ADGRD1: variants seen among roughly 807,000 people sequenced by gnomAD.
The protein encoded by ADGRD1 is G-protein coupled receptor 133.
In ADGRD1, 77 loss-of-function variants were observed where a neutral mutation model predicts 113.4. That is an observed-to-expected ratio of 0.68 (90% confidence interval 0.57 to 0.82). The LOEUF is 0.82. ADGRD1 is among the 40% of genes least tolerant of loss of function. The probability of loss-of-function intolerance (pLI) is 0.00; values close to 1 mark genes in which losing one functional copy is unlikely to be tolerated. For synonymous variants in ADGRD1, 474 were observed against 475.0 expected, an observed-to-expected ratio of 1.00 and a Z score of 0.03; for missense variants, 1,036 against 1,139.1, an observed-to-expected ratio of 0.91 and a Z score of 1.30.
At chr12:131,045,564 C>T (rs1284238634) in intron 13 of ADGRD1, among the ~76,000 whole-genome samples, 1 of 151,836 alleles carries the variant, frequency 6.6e-6, no homozygotes, top group Non-Finnish European at 1.5e-5. Context: ...CAGCCTCGCT[C>T]AGCACACGGC....
At chr12:131,093,638 G>A (rs565488504) in intron 15 of ADGRD1, among the ~76,000 whole-genome samples, 11 of 152,290 alleles carry the variant, frequency 7.2e-5, no homozygotes, top group South Asian at 6.2e-4. Context: ...CTGCAGTGCC[G>A]GCAGCCGCAG....
At chr12:131,024,201 A>G (rs1879676988) in intron 13 of ADGRD1, 1 of 152,358 alleles carries the variant, frequency 6.6e-6, no homozygotes, top group Non-Finnish European at 1.5e-5. Context: ...GTTGTGCAGG[A>G]AGCAGGTGCA....
intron 13 of ADGRD1, among the ~76,000 whole-genome samples, chr12:131,044,228 C>T (rs960749177): frequency 6.6e-6 from 1 of 152,290 alleles, no homozygotes. Context: ...ATTTAATGAT[C>T]GCTGAGTCTT....
intron 4 of ADGRD1, among the ~76,000 whole-genome samples, chr12:130,972,649 A>G (rs1569017): frequency 0.79 from 120,205 of 151,836 alleles, 51,622 homozygotes; most frequent in Non-Finnish European, 0.95. Context: ...GCTCGGCGTG[A>G]GCTCGGTGGC....
At chr12:131,095,614 C>T (rs548372928) in intron 15 of ADGRD1, among the ~76,000 whole-genome samples, 5 of 152,290 alleles carry the variant, frequency 3.3e-5, no homozygotes, top group East Asian at 1.9e-4. Flanking sequence ...CCAGACTGGA[C>T]GTTCCCAGGG....
chr12:131,137,945 C>T (rs1267149710), intron 23 of ADGRD1, 192 bp from the exon 24 acceptor site: 2 of 586,204 alleles, frequency 3.4e-6, no homozygotes, highest in Non-Finnish European at 6.2e-6. Flanking sequence ...CCCTGGCCTG[C>T]GATACAACCT....
chr12:130,970,000 A>G (rs1871426644), intron 3 of ADGRD1: 1 of 152,244 alleles, frequency 6.6e-6, no homozygotes, highest in Non-Finnish European at 1.5e-5. Flanking sequence ...TACCTCATCA[A>G]ACATTTGATT....
At chr12:131,045,521 G>A (rs879836732) in intron 13 of ADGRD1, among the ~76,000 whole-genome samples, 54 of 124,926 alleles carry the variant, frequency 4.3e-4, no homozygotes, top group Admixed American at 1.1e-3. Context: ...CCCCACCCCC[G>A]CCTCCCTGCC....
At chr12:131,029,308 G>A (rs963109911) in intron 13 of ADGRD1, among the ~76,000 whole-genome samples, 1 of 152,176 alleles carries the variant, frequency 6.6e-6, no homozygotes, top group African/African-American at 2.4e-5. Flanking sequence ...CCTGACCCCA[G>A]CCTCTGTGCC....
At chr12:131,000,513 GGGT>G (rs2136713851) in intron 9 of ADGRD1, 71 bp downstream of exon 9, 1 of 1,213,758 alleles carries the variant, frequency 8.2e-7, no homozygotes, top group African/African-American at 1.5e-5. Flanking sequence ...AGGCCAAGGC[GGGT>G]GGATCACTTG....
intron 13 of ADGRD1, among the ~76,000 whole-genome samples, chr12:131,039,904 C>G (rs553969470): frequency 6.6e-6 from 1 of 152,236 alleles, no homozygotes; most frequent in African/African-American, 2.4e-5. Flanking sequence ...AAGGTGCTGC[C>G]GGCCAGCTGT....
chr12:131,104,910 C>T lies in ADGRD1; in HGVS notation c.1751C>T (p.Thr584Met), dbSNP rs907145349. 8.4e-6 allele frequency: 13 copies of T among 1,550,554 alleles called. No individual in the cohort carries two copies. Among genetic ancestry groups the T allele is most frequent in the Non-Finnish European group, 1.0e-5 (12 of 1,146,588 alleles). The part of the protein sequence containing the change: ...CSLSVLCLVA[T>M]LVTFAVLSSV... ...CTCTCCGTGCTCTGCCTGGTGGCCA[C>T]GCTGGTCACCTTCGCCGTGCTGTCG... is the stretch of plus-strand genomic sequence containing the variant. Residue 584 changes from threonine (T) to methionine (M), a missense_variant, in exon 16 of 25, where the codon ACG becomes ATG. Transcript: ENST00000261654.
In ADGRD1 at chr12:131,003,381, C is replaced by A; in HGVS notation, c.1144+79C>A. On this transcript the variant is annotated intron_variant, in intron 10 of 24. Transcript: ENST00000261654. The surrounding 1 kb of genome is among the most constrained non-coding windows in gnomAD (Gnocchi z 4.8). ...GCGTTTCACTGCCTGTCTTTTTACA[C>A]CCTTAGCAGAGAGCCATGCTCTGTC... The A allele has an allele frequency of 3.1e-6, 3 of 971,608 alleles. No homozygotes were observed. Among genetic ancestry groups the A allele is most frequent in the Non-Finnish European group, 3.3e-6 (2 of 608,138 alleles). The allele number at this position is 971,608 out of a possible 1,614,324, so 60.2% of individuals were successfully genotyped here.
Position 131,004,305 on chromosome 12 carries a change from G to C in ADGRD1, c.1255+9G>C. On this transcript the variant is annotated intron_variant, in intron 11 of 24. Coordinates refer to ENST00000261654, the MANE Select transcript of ADGRD1 (RefSeq NM_198827.5). ...GGCCTTCCACAGGCACGGTGAGTGTGGCTGCGCTGGACTCCCTTCCGGGGC... is the reference window on the plus strand; with the variant it reads ...GGCCTTCCACAGGCACGGTGAGTGTCGCTGCGCTGGACTCCCTTCCGGGGC... 6.3e-7 allele frequency: 1 copy of C among 1,580,254 alleles called. No homozygotes were observed. The highest frequency in any genetic ancestry group is 8.7e-7 in the Non-Finnish European group (1 of 1,149,834).
intron 20 of ADGRD1, among the ~76,000 whole-genome samples, chr12:131,129,422 AG>A (rs1474899432): frequency 0.02 from 2,181 of 110,412 alleles, 21 homozygotes; most frequent in Middle Eastern, 0.067. Flanking sequence ...TGTGAGTGAC[AG>A]GCCCGCCCTG....
chr12:130,990,725 G>A, intron 6 of ADGRD1: 1 of 291,056 alleles, frequency 3.4e-6, no homozygotes. Context: ...TTTGAAATCG[G>A]TAATCCTTGT....
At chr12:130,987,583 G>A (rs562817881) in intron 6 of ADGRD1, 6 of 571,314 alleles carry the variant, frequency 1.1e-5, no homozygotes, top group African/African-American at 7.5e-5. Context: ...TGATCATCAC[G>A]GGGTTTCAAG....
intron 13 of ADGRD1, chr12:131,070,730 G>A: frequency 2.1e-6 from 1 of 483,546 alleles, no homozygotes; most frequent in South Asian, 1.5e-5. Flanking sequence ...TCCACCCACA[G>A]CACTATCCTG....
intron 15 of ADGRD1, among the ~76,000 whole-genome samples, chr12:131,093,080 G>C (rs1452055144): frequency 1.3e-5 from 2 of 151,766 alleles, no homozygotes; most frequent in East Asian, 3.9e-4. Flanking sequence ...TCGCTCTTCT[G>C]CTTTTAGGAG....
Sources: gnomAD v4.1 joint callset for allele counts (sites outside exome capture counted in the v4.1 genomes callset) on GRCh38, gnomAD v4.1.1 for gene constraint, Gnocchi (gnomAD v3.1) non-coding constraint, MANE v1.5 for transcripts, NCBI Gene and HGNC (gene_info 2026-07-23, HGNC 2026-07-21) for gene names.